Variants in FLT1 observed in about 807,000 individuals in gnomAD.
FLT1 encodes the protein fms related receptor tyrosine kinase 1.
In FLT1, 49 loss-of-function variants were observed where a neutral mutation model predicts 156.3. The ratio of observed to expected loss-of-function variants is 0.31; its 90% confidence interval spans 0.25 to 0.40. The LOEUF (loss-of-function observed/expected upper bound fraction) is 0.40, where lower values mean the gene tolerates loss of function less well. Ranked by LOEUF, FLT1 falls within the 10% of genes least tolerant of loss-of-function variation. The pLI, the probability that FLT1 is intolerant of heterozygous loss-of-function variation, is 1.00. For synonymous variants in FLT1, 594 were observed against 583.8 expected, an observed-to-expected ratio of 1.02 and a Z score of -0.25; for missense variants, 1,322 against 1,637.2, an observed-to-expected ratio of 0.81 and a Z score of 3.32.
intron 27 of FLT1, among the ~76,000 whole-genome samples, chr13:28,309,728 G>C (rs1870916982): frequency 1.5e-5 from 2 of 129,942 alleles, no homozygotes; most frequent in Non-Finnish European, 3.1e-5. Flanking sequence ...AGTTTTCCCA[G>C]CTTTACAAAA....
intron 15 of FLT1, among the ~76,000 whole-genome samples, chr13:28,349,182 AG>A (rs1872661717): frequency 6.6e-6 from 1 of 152,226 alleles, no homozygotes; most frequent in African/African-American, 2.4e-5. Flanking sequence ...CCTGGCATAT[AG>A]TAGACATCCT....
At chr13:28,380,639 A>C (rs75678645) in intron 14 of FLT1, among the ~76,000 whole-genome samples, 2,318 of 129,224 alleles carry the variant, frequency 0.018, 58 homozygotes, top group African/African-American at 0.063. Context: ...TTTAGATATT[A>C]TTCTTTTGGT....
intron 3 of FLT1, among the ~76,000 whole-genome samples, chr13:28,453,102 CTT>C (rs1299185053): frequency 9.3e-5 from 6 of 64,298 alleles, no homozygotes; most frequent in South Asian, 7.4e-4. Context: ...CTTTCCTTTC[CTT>C]TCCTTTCCTT....
Position 28,473,729 on chromosome 13 carries a change from A to AGAAG in FLT1, c.65-6116_65-6113dup, listed in dbSNP as rs1157781404. Among the ~76,000 whole-genome samples the AGAAG allele has an allele frequency of 2.0e-3, 167 of 84,276 alleles. 4 individuals carry two copies. Among genetic ancestry groups the AGAAG allele is most frequent in the East Asian group, 8.9e-3 (24 of 2,708 alleles). 55.3% of individuals were successfully genotyped at this position (84,276 alleles called of 152,430 possible). A position where few individuals can be genotyped will look rare whatever the true frequency, so the allele number is the denominator to read the frequency against. On this transcript the variant is annotated intron_variant, in intron 1 of 29. Coordinates refer to ENST00000282397, the MANE Select transcript of FLT1 (RefSeq NM_002019.4). ...AAGAAAGAAAGAAAGAAAGAAAGAAAGAAGGAAGGAAGGAAGGAAGGAAGG... is the reference window on the plus strand; with the variant it reads ...AAGAAAGAAAGAAAGAAAGAAAGAAAGAAGGAAGGAAGGAAGGAAGGAAGGAAGG...
chr13:28,465,263 C>T (rs1372085141), intron 3 of FLT1, among the ~76,000 whole-genome samples: 1 of 152,146 alleles, frequency 6.6e-6, no homozygotes, highest in Non-Finnish European at 1.5e-5. Flanking sequence ...ACCTCCCACT[C>T]ATATGTGGAA....
chr13:28,305,194 A>T (rs1041346718), intron 29 of FLT1, among the ~76,000 whole-genome samples: 14 of 152,134 alleles, frequency 9.2e-5, no homozygotes, highest in African/African-American at 3.4e-4. Context: ...CACTGACTTC[A>T]TCTAGCTATC....
rs141487454 is a variant in FLT1, at chr13:28,468,315, C to T, written c.65-698G>A. On this transcript the variant is annotated intron_variant, in intron 1 of 29. Coordinates refer to ENST00000282397, the MANE Select transcript of FLT1 (RefSeq NM_002019.4). ...CTTACGTGACATTCGACAAACATCT[C>T]GGAGGATTGTTGTGAGGCAATAAAG... 7.6e-3 allele frequency among the ~76,000 whole-genome samples: 1,150 copies of T among 152,258 alleles called. 6 individuals carry two copies. The highest frequency in any genetic ancestry group is 0.012 in the Non-Finnish European group (839 of 68,018).
rs1377793652 is a variant in FLT1 at position 28,389,523 on chromosome 13, C to A, written c.1969+273G>T. ...TCCAAACGTGCACCAAGTCGGCCCC[C>A]CGGAGCAGCCCCCTCGGCCTGAATG... On this transcript the variant is annotated intron_variant, in intron 13 of 29. Coordinates refer to ENST00000282397, the MANE Select transcript of FLT1 (RefSeq NM_002019.4). 11 of 1,423,726 alleles carry A rather than the reference C, an allele frequency of 7.7e-6. No homozygotes were observed. In the East Asian group the frequency reaches 2.5e-4, roughly 33 times the overall value. The allele number at this position is 1,423,726 out of a possible 1,614,324, so 88.2% of individuals were successfully genotyped here. A position where few individuals can be genotyped will look rare whatever the true frequency, so the allele number is the denominator to read the frequency against.
At chr13:28,417,671 GTTT>G (rs11450136) in intron 10 of FLT1, among the ~76,000 whole-genome samples, 2 of 144,960 alleles carry the variant, frequency 1.4e-5, no homozygotes, top group Admixed American at 6.9e-5. Flanking sequence ...CCTTAATTCC[GTTT>G]TTTTTTTTTT....
Position 28,433,030 on chromosome 13 carries a change from G to A in FLT1, c.813+789C>T, listed in dbSNP as rs568499864. ...TCGATGAAAAACAACACTAGCTTGA[G>A]GCTGATGCATTAATCTTTCATACAT... On this transcript the variant is annotated intron_variant, in intron 6 of 29. Coordinates refer to ENST00000282397, the MANE Select transcript of FLT1 (RefSeq NM_002019.4). 3.3e-5 allele frequency among the ~76,000 whole-genome samples: 5 copies of A among 152,308 alleles called. No individual in the cohort carries two copies. The East Asian group carries it at 5.8e-4, about 18-fold the overall frequency.
At chr13:28,472,206 C>T (rs557084996) in intron 1 of FLT1, among the ~76,000 whole-genome samples, 188 of 152,326 alleles carry the variant, frequency 1.2e-3, no homozygotes, top group African/African-American at 3.7e-3. Flanking sequence ...AATGCCACCC[C>T]TAATTCCCCA....
At chr13:28,306,198 C>G (rs180877416) in intron 29 of FLT1, among the ~76,000 whole-genome samples, 3 of 152,270 alleles carry the variant, frequency 2.0e-5, no homozygotes, top group Admixed American at 2.0e-4. Flanking sequence ...GAGAAATTGT[C>G]AAGTGAGAAA....
intron 4 of FLT1, among the ~76,000 whole-genome samples, chr13:28,435,969 A>C (rs965849162): frequency 6.6e-6 from 1 of 152,248 alleles, no homozygotes. Flanking sequence ...TACTTTACAA[A>C]TAAGTGAAAA....
chr13:28,375,695 T>C (rs777590272), intron 14 of FLT1, among the ~76,000 whole-genome samples: 2 of 152,198 alleles, frequency 1.3e-5, no homozygotes, highest in Non-Finnish European at 2.9e-5. Flanking sequence ...ATGACACATA[T>C]TGAAGAGACA....
Position 28,303,060 on chromosome 13 carries a change from T to G in FLT1, c.*107A>C. ...AATCACAAAAAGCAGCTGGCTCCCA[T>G]GGAAAGATAAAGGTGTAAACTTATA... On this transcript the variant is annotated 3_prime_UTR_variant, in exon 30 of 30. Coordinates refer to ENST00000282397, the MANE Select transcript of FLT1 (RefSeq NM_002019.4). The G allele has an allele frequency of 1.0e-6, 1 of 989,082 alleles. No individual in the cohort carries two copies. Among genetic ancestry groups the G allele is most frequent in the Non-Finnish European group, 1.5e-6 (1 of 667,842 alleles). The allele number at this position is 989,082 out of a possible 1,614,324, so 61.3% of individuals were successfully genotyped here.
chr13:28,306,836 A>G, intron 28 of FLT1, 64 bp from the exon 29 acceptor site: 2 of 1,047,528 alleles, frequency 1.9e-6, no homozygotes, highest in Non-Finnish European at 1.5e-6. Flanking sequence ...GCTGAGCCTG[A>G]GGGATGATCC....
chr13:28,452,596 G>C (rs1879011572), intron 3 of FLT1, among the ~76,000 whole-genome samples: 1 of 152,146 alleles, frequency 6.6e-6, no homozygotes, highest in African/African-American at 2.4e-5. Context: ...TTGCATGTCA[G>C]AAAGTGTTTC....
chr13:28,367,637 A>G (rs1267052887), intron 14 of FLT1, among the ~76,000 whole-genome samples: 1 of 152,200 alleles, frequency 6.6e-6, no homozygotes, highest in East Asian at 1.9e-4. Context: ...TGAGTAAATA[A>G]ATCTGTAGAG....
chr13:28,423,230 T>C (rs1028573998), intron 10 of FLT1, among the ~76,000 whole-genome samples: 2 of 152,124 alleles, frequency 1.3e-5, no homozygotes, highest in Non-Finnish European at 2.9e-5. Flanking sequence ...CTTCCTCTCA[T>C]GACAGGAAAC....
Sources: gnomAD v4.1 joint callset for allele counts (sites outside exome capture counted in the v4.1 genomes callset) on GRCh38, gnomAD v4.1.1 for gene constraint, MANE v1.5 for transcripts, NCBI Gene and HGNC (gene_info 2026-07-23, HGNC 2026-07-21) for gene names.